STX2: variants seen among roughly 807,000 people sequenced by gnomAD.
STX2 encodes syntaxin 2.
STX2 carries 27 observed loss-of-function variants against 40.6 expected under a neutral mutation model. The ratio of observed to expected loss-of-function variants is 0.66; its 90% confidence interval spans 0.49 to 0.92. The LOEUF (loss-of-function observed/expected upper bound fraction) is 0.92. STX2 is among the 40% of genes least tolerant of loss of function. The probability of loss-of-function intolerance (pLI) is 0.00; values close to 1 mark genes in which losing one functional copy is unlikely to be tolerated. For missense variants in STX2, 328 were observed against 366.1 expected, an observed-to-expected ratio of 0.90 and a Z score of 0.85; for synonymous variants, 123 against 119.1, an observed-to-expected ratio of 1.03 and a Z score of -0.22.
At chr12:130,806,193 T>C (rs1399421369) in intron 6 of STX2, among the ~76,000 whole-genome samples, 1 of 152,178 alleles carries the variant, frequency 6.6e-6, no homozygotes, top group East Asian at 1.9e-4. Context: ...CAACATTCTC[T>C]GAGGGGGATG....
At chr12:130,828,234 T>A (rs972046984) in intron 1 of STX2, among the ~76,000 whole-genome samples, 1 of 152,108 alleles carries the variant, frequency 6.6e-6, no homozygotes, top group Non-Finnish European at 1.5e-5. Context: ...CTCTTTTTTT[T>A]TGGAAACAAA....
chr12:130,809,624 G>T, intron 4 of STX2, among the ~76,000 whole-genome samples: 1 of 152,172 alleles, frequency 6.6e-6, no homozygotes, highest in Middle Eastern at 3.4e-3. Context: ...CGAGACCAGC[G>T]TGGCCAACAT....
chr12:130,795,097 A>G (rs2137007708), intron 10 of STX2, among the ~76,000 whole-genome samples: 1 of 152,302 alleles, frequency 6.6e-6, no homozygotes, highest in South Asian at 2.1e-4. Flanking sequence ...ATAAACTGAT[A>G]CCTTTTATAT....
chr12:130,833,133 G>C (rs1952632843), intron 1 of STX2, among the ~76,000 whole-genome samples: 1 of 152,186 alleles, frequency 6.6e-6, no homozygotes, highest in African/African-American at 2.4e-5. Flanking sequence ...CCAGCCGCCA[G>C]TCAGTGATGA....
At chr12:130,811,608 C>T (rs1054269936) in intron 4 of STX2, among the ~76,000 whole-genome samples, 6 of 134,004 alleles carry the variant, frequency 4.5e-5, no homozygotes, top group Non-Finnish European at 9.2e-5. Context: ...GGCGTGATCT[C>T]GGCTCACTGC....
rs1474863551 is a variant in STX2, at chr12:130,839,221, C to A, written c.-122G>T. On this transcript the variant is annotated 5_prime_UTR_variant, in exon 1 of 11. Coordinates refer to ENST00000392373, the MANE Select transcript of STX2 (RefSeq NM_194356.4). ...GTCCCGGCCCGGCGCCAGCAGCCCT[C>A]CCTGGAGCCGGCGCTGCCACGGCAA... 23 of 896,010 alleles carry A rather than the reference C, an allele frequency of 2.6e-5. No individual in the cohort carries two copies. The South Asian group carries it at 1.1e-3, about 42-fold the overall frequency. 55.5% of individuals were successfully genotyped at this position (896,010 alleles called of 1,614,324 possible).
At chr12:130,816,902 T>C (rs1951879306) in intron 3 of STX2, among the ~76,000 whole-genome samples, 1 of 152,184 alleles carries the variant, frequency 6.6e-6, no homozygotes, top group Non-Finnish European at 1.5e-5. Flanking sequence ...GGTGGGAAGC[T>C]GGCCCTCGCA....
intron 10 of STX2, among the ~76,000 whole-genome samples, chr12:130,794,580 C>T (rs1447471772): frequency 6.6e-6 from 1 of 152,218 alleles, no homozygotes; most frequent in East Asian, 1.9e-4. Context: ...ACTCTAGCCT[C>T]GACCTCCCCA....
At chr12:130,793,756 G>T (rs764109147) in intron 10 of STX2, among the ~76,000 whole-genome samples, 3 of 152,198 alleles carry the variant, frequency 2.0e-5, no homozygotes, top group Non-Finnish European at 4.4e-5. Context: ...CCTGCACCTG[G>T]CACACCCTGC....
In STX2 at chr12:130,818,182, AAAAATATATAT is replaced by A. The variant is rs1200005552; in HGVS notation, c.205+3496_205+3506del. Among the ~76,000 whole-genome samples, 203 of 37,372 alleles carry A rather than the reference AAAAATATATAT, an allele frequency of 5.4e-3. 3 individuals are homozygous for A. Among genetic ancestry groups the A allele is most frequent in the African/African-American group, 0.014 (181 of 13,224 alleles). The allele number at this position is 37,372 out of a possible 152,430, so 24.5% of individuals were successfully genotyped here. On this transcript the variant is annotated intron_variant, in intron 3 of 10. Coordinates refer to ENST00000392373, the MANE Select transcript of STX2 (RefSeq NM_194356.4). ...AACGCTGTTTCTACAAAAAAAAAAA[AAAAATATATAT>A]ATATATATATATATATATATATATA...
intron 1 of STX2, among the ~76,000 whole-genome samples, chr12:130,835,399 T>C (rs189197535): frequency 3.5e-4 from 54 of 152,380 alleles, no homozygotes; most frequent in African/African-American, 1.3e-3. Flanking sequence ...TGTGTATTTA[T>C]TGTTTATTAT....
At chr12:130,794,258 G>GA (rs137951206) in intron 10 of STX2, among the ~76,000 whole-genome samples, 7,799 of 151,982 alleles carry the variant, frequency 0.051, 625 homozygotes, top group African/African-American at 0.17. Context: ...AAGCTAAGAA[G>GA]AAAAAAATAG....
chr12:130,834,983 G>A (rs777407026), intron 1 of STX2, among the ~76,000 whole-genome samples: 6 of 152,128 alleles, frequency 3.9e-5, no homozygotes, highest in Admixed American at 2.6e-4. Context: ...AGTGTTTTCC[G>A]CCCTTTAAGA....
Position 130,813,018 on chromosome 12 carries a change from CTCT to C in STX2, c.216_218del (p.Glu73del), listed in dbSNP as rs1264056906. ...TGATTTCTTTGTTCAGATCTTCAAG[CTCT>C]TCTTTTATTTCTATAAAAATTTAAA... is the stretch of plus-strand genomic sequence containing the variant. On this transcript the variant is annotated inframe_deletion, in exon 4 of 11. Coordinates refer to ENST00000392373, the MANE Select transcript of STX2 (RefSeq NM_194356.4). 4 of 1,522,086 alleles carry C rather than the reference CTCT, an allele frequency of 2.6e-6. No individual in the cohort carries two copies. The highest frequency in any genetic ancestry group is 2.8e-5 in the African/African-American group (2 of 70,346). 94.3% of individuals were successfully genotyped at this position (1,522,086 alleles called of 1,614,324 possible).
intron 6 of STX2, among the ~76,000 whole-genome samples, chr12:130,805,920 G>A (rs1320684193): frequency 2.0e-5 from 3 of 152,172 alleles, no homozygotes; most frequent in Non-Finnish European, 4.4e-5. Flanking sequence ...GGACACTGGA[G>A]TTGGCAGACA....
intron 2 of STX2, 138 bp downstream of exon 2, chr12:130,827,055 A>C: frequency 1.8e-6 from 1 of 560,790 alleles, no homozygotes; most frequent in Non-Finnish European, 3.1e-6. Flanking sequence ...AGAAGGGAGG[A>C]AGAAAGGAAG....
intron 1 of STX2, among the ~76,000 whole-genome samples, chr12:130,832,650 A>G (rs1448050293): frequency 4.6e-5 from 7 of 152,204 alleles, no homozygotes; most frequent in African/African-American, 9.7e-5. Context: ...AGCGTGAACT[A>G]GAGAGCATTT....
At chr12:130,802,356 C>T (rs191030492) in intron 6 of STX2, among the ~76,000 whole-genome samples, 10 of 152,270 alleles carry the variant, frequency 6.6e-5, no homozygotes, top group African/African-American at 2.4e-4. Flanking sequence ...CGTCACCACG[C>T]CCGGCTAATT....
chr12:130,820,315 C>T (rs1457833966), intron 3 of STX2, among the ~76,000 whole-genome samples: 7 of 152,028 alleles, frequency 4.6e-5, no homozygotes. Context: ...GGTACAAGGC[C>T]AATATGCAAA....
Sources: allele counts gnomAD v4.1 joint callset (sites outside exome capture counted in the v4.1 genomes callset), GRCh38; gene constraint gnomAD v4.1.1; transcripts MANE v1.5; gene names NCBI Gene and HGNC (gene_info 2026-07-23, HGNC 2026-07-21).